Variants in TNPO1 observed in about 807,000 individuals in gnomAD.
TNPO1 encodes the protein transportin-1.
TNPO1 carries 8 observed loss-of-function variants against 119.5 expected under a neutral mutation model. That is an observed-to-expected ratio of 0.07 (90% CI 0.04 to 0.12). TNPO1 has a LOEUF of 0.12. TNPO1 is among the 10% of genes least tolerant of loss of function. The probability of loss-of-function intolerance (pLI) is 1.00; values close to 1 mark genes in which losing one functional copy is unlikely to be tolerated. For missense variants in TNPO1, 576 were observed against 1,089.8 expected (o/e 0.53, Z 6.64); for synonymous variants, 362 against 363.0 (o/e 1.00, Z 0.03).
At chr5:72,823,568 C>T (rs1744078488) in intron 1 of TNPO1, among the ~76,000 whole-genome samples, 1 of 152,184 alleles carries the variant, frequency 6.6e-6, no homozygotes, top group Non-Finnish European at 1.5e-5. Context: ...ATGGAATCTC[C>T]AACCCATTGA....
chr5:72,853,406 A>G (rs1405964620), intron 3 of TNPO1, among the ~76,000 whole-genome samples: 1 of 152,168 alleles, frequency 6.6e-6, no homozygotes, highest in Non-Finnish European at 1.5e-5. Flanking sequence ...GTGCCACTGC[A>G]CTCCAGTGTA....
intron 9 of TNPO1, among the ~76,000 whole-genome samples, chr5:72,881,345 G>T (rs577383076): frequency 1.8e-4 from 27 of 152,172 alleles, no homozygotes; most frequent in Non-Finnish European, 2.1e-4. Flanking sequence ...TCCTGACCTC[G>T]TGATCCGCTC....
chr5:72,825,080 G>A (rs1025851851), intron 1 of TNPO1, among the ~76,000 whole-genome samples: 1 of 151,914 alleles, frequency 6.6e-6, no homozygotes, highest in Non-Finnish European at 1.5e-5. Context: ...AAAATACATC[G>A]AAAATCCTAT....
In TNPO1 at chr5:72,893,505, C is replaced by T; in HGVS notation, c.2025C>T (p.Asn675=). 1 of 1,614,210 alleles carries T rather than the reference C, an allele frequency of 6.2e-7. No homozygotes were observed. The highest frequency in any genetic ancestry group is 8.5e-7 in the Non-Finnish European group (1 of 1,180,026). ...TTGAACAGCTGGTAGCCCGAAGTAA[C>T]ATCCTGACACTAATGTATCAGTGCA... ...GNIEQLVARS[N]ILTLMYQCMQ... The change falls in exon 17 of 25, where the codon AAC becomes AAT. Residue 675 remains asparagine, a synonymous_variant. Coordinates refer to ENST00000337273, the MANE Select transcript of TNPO1 (RefSeq NM_002270.4).
At chr5:72,835,996 AG>A (rs553820054) in intron 1 of TNPO1, among the ~76,000 whole-genome samples, 100 of 152,354 alleles carry the variant, frequency 6.6e-4, no homozygotes, top group African/African-American at 2.4e-3. Context: ...ACAGTTGGGT[AG>A]GGGTTGGGCC....
intron 1 of TNPO1, among the ~76,000 whole-genome samples, chr5:72,843,183 A>T (rs549004092): frequency 6.6e-6 from 1 of 152,326 alleles, no homozygotes; most frequent in Non-Finnish European, 1.5e-5. Flanking sequence ...GTCTTGTTAG[A>T]TAGTCACAAA....
At chr5:72,904,545 C>T (rs921433897) in intron 23 of TNPO1, among the ~76,000 whole-genome samples, 11 of 152,156 alleles carry the variant, frequency 7.2e-5, no homozygotes, top group Admixed American at 1.3e-4. Context: ...CTTGTAATCC[C>T]AGCACTTTGG....
intron 9 of TNPO1, among the ~76,000 whole-genome samples, chr5:72,878,231 G>A (rs905192183): frequency 1.3e-5 from 2 of 152,038 alleles, no homozygotes; most frequent in Non-Finnish European, 2.9e-5. Flanking sequence ...TAATCCTGGA[G>A]TGAATATCTT....
At chr5:72,829,666 A>G (rs1358576576) in intron 1 of TNPO1, among the ~76,000 whole-genome samples, 1 of 152,198 alleles carries the variant, frequency 6.6e-6, no homozygotes, top group Non-Finnish European at 1.5e-5. Flanking sequence ...AGAAGCTGAA[A>G]GGAACATGGT....
At chr5:72,826,157 C>G (rs1180411908) in intron 1 of TNPO1, among the ~76,000 whole-genome samples, 1 of 152,082 alleles carries the variant, frequency 6.6e-6, no homozygotes, top group Non-Finnish European at 1.5e-5. Flanking sequence ...ATCTTACCAT[C>G]TATGAATACC....
rs1004660724 is a variant in TNPO1, at chr5:72,868,303, G to A, written c.596+2574G>A. On this transcript the variant is annotated intron_variant, in intron 6 of 24. Coordinates refer to ENST00000337273, the MANE Select transcript of TNPO1 (RefSeq NM_002270.4). ...AAAAATTAGCCGGGCATGGTGGCGG[G>A]CACCTGTAGTCCCAGCAACTCGGGA... 6.6e-5 allele frequency among the ~76,000 whole-genome samples: 10 copies of A among 151,790 alleles called. No homozygotes were observed. In the South Asian group the frequency reaches 2.1e-3, roughly 32 times the overall value.
intron 9 of TNPO1, 113 bp from the exon 10 acceptor site, chr5:72,882,352 GAC>G: frequency 1.5e-6 from 1 of 688,428 alleles, no homozygotes; most frequent in Non-Finnish European, 2.4e-6. Context: ...TAAGTTCAAA[GAC>G]AATATTACCA....
At chr5:72,877,077 A>G (rs1747846140) in intron 8 of TNPO1, 151 bp from the exon 9 acceptor site, 1 of 398,258 alleles carries the variant, frequency 2.5e-6, no homozygotes, top group Non-Finnish European at 4.4e-6. Flanking sequence ...CCTGGGCGAC[A>G]GAGTGAGACT....
chr5:72,868,727 GCTTTTTT>G (rs1191724838), intron 6 of TNPO1, among the ~76,000 whole-genome samples: 2 of 151,870 alleles, frequency 1.3e-5, no homozygotes, highest in Non-Finnish European at 1.5e-5. Flanking sequence ...AGTGTTTGAG[GCTTTTTT>G]CTTTTTTTAA....
intron 23 of TNPO1, among the ~76,000 whole-genome samples, chr5:72,904,338 C>T (rs1749987486): frequency 6.6e-6 from 1 of 152,172 alleles, no homozygotes; most frequent in South Asian, 2.1e-4. Flanking sequence ...GATGACTTCT[C>T]TACTTTATCT....
At chr5:72,865,488 A>T (rs1746812252) in intron 5 of TNPO1, 108 bp from the exon 6 acceptor site, 1 of 1,232,758 alleles carries the variant, frequency 8.1e-7, no homozygotes. Flanking sequence ...AAGGCATTTT[A>T]TGTGGGCTGA....
Position 72,853,670 on chromosome 5 carries a change from T to TTC in TNPO1, c.206-2104_206-2103insTC, listed in dbSNP as rs371554798. On this transcript the variant is annotated intron_variant, in intron 3 of 24. Coordinates refer to ENST00000337273, the MANE Select transcript of TNPO1 (RefSeq NM_002270.4). Reference sequence around the variant, plus strand: ...TCTTGTGTTTATGCATTTTTTTTTTTCCCTGGGAAGATTGGGACACAAGTT... The same window carrying TTC: ...TCTTGTGTTTATGCATTTTTTTTTTTTCCCCTGGGAAGATTGGGACACAAGTT... Among the ~76,000 whole-genome samples the TTC allele has an allele frequency of 1.3e-3, 196 of 151,762 alleles. 2 individuals carry two copies. Among genetic ancestry groups the TTC allele is most frequent in the East Asian group, 9.5e-3 (49 of 5,166 alleles).
intron 22 of TNPO1, among the ~76,000 whole-genome samples, chr5:72,901,353 A>G (rs1418307745): frequency 6.6e-6 from 1 of 151,976 alleles, no homozygotes; most frequent in Non-Finnish European, 1.5e-5. Flanking sequence ...CAAATTTCAG[A>G]CCTCATTTAT....
chr5:72,882,668 A>T lies in TNPO1; in HGVS notation c.981+141A>T, dbSNP rs1748332766. On this transcript the variant is annotated intron_variant, in intron 10 of 24. Coordinates refer to ENST00000337273, the MANE Select transcript of TNPO1 (RefSeq NM_002270.4). ...ATTATCCATAATAGGATAGAAGCAT[A>T]AGTTTAAGTAATGATAAATTCTTGC... The T allele has an allele frequency of 7.0e-6, 4 of 570,242 alleles. No homozygotes were observed. The South Asian group carries it at 1.2e-4, about 18-fold the overall frequency. The allele number at this position is 570,242 out of a possible 1,614,324, so 35.3% of individuals were successfully genotyped here.
Sources: allele counts gnomAD v4.1 joint callset (sites outside exome capture counted in the v4.1 genomes callset), GRCh38; gene constraint gnomAD v4.1.1; transcripts MANE v1.5; gene names NCBI Gene and HGNC (gene_info 2026-07-23, HGNC 2026-07-21).